Variants in HHIP observed in about 807,000 individuals in gnomAD.
HHIP encodes the protein hedgehog interacting protein.
A neutral mutation model predicts 74.0 loss-of-function variants in HHIP; 12 were observed. The observed-to-expected ratio is 0.16, with a 90% CI of 0.10 to 0.26. The LOEUF (loss-of-function observed/expected upper bound fraction) is 0.26, where lower values mean the gene tolerates loss of function less well. HHIP is among the 10% of genes least tolerant of loss of function. The probability of loss-of-function intolerance (pLI) is 1.00; values close to 1 mark genes in which losing one functional copy is unlikely to be tolerated. For missense variants in HHIP, 788 were observed against 845.0 expected (o/e 0.93, Z 0.84); for synonymous variants, 309 against 311.6 (o/e 0.99, Z 0.09).
chr4:144,702,322 C>A (rs1730009068), intron 4 of HHIP, among the ~76,000 whole-genome samples: 2 of 152,106 alleles, frequency 1.3e-5, no homozygotes, highest in Non-Finnish European at 2.9e-5. Flanking sequence ...TAGGTCTGAT[C>A]TTGTATTTAC....
chr4:144,715,386 GCTA>G lies in HHIP; in HGVS notation c.1637_1639del (p.Tyr546del), dbSNP rs776546590. ...CTCGGCACTAGTGGGTCCTGTAGAG[GCTA>G]CTTTTCCGGTCACATCTTGGGATTT... On this transcript the variant is annotated inframe_deletion, in exon 10 of 13. Transcript: ENST00000296575. 9.3e-6 allele frequency: 15 copies of G among 1,613,456 alleles called. No individual in the cohort carries two copies. The South Asian group carries it at 1.6e-4, about 18-fold the overall frequency.
At position 144,742,849 on chromosome 4, in the gene HHIP, A is replaced by G. The variant is rs569487660; in HGVS notation, c.*4892A>G. 1.4e-5 allele frequency: 2 copies of G among 139,946 alleles called. No homozygotes were observed. The highest frequency in any genetic ancestry group is 7.2e-5 in the Admixed American group (1 of 13,846). 8.7% of individuals were successfully genotyped at this position (139,946 alleles called of 1,614,324 possible). A position where few individuals can be genotyped will look rare whatever the true frequency, so the allele number is the denominator to read the frequency against. On this transcript the variant is annotated 3_prime_UTR_variant, in exon 13 of 13. Coordinates refer to ENST00000296575, the MANE Select transcript of HHIP (RefSeq NM_022475.3). ...TATATTTGGTTATATATATATCTTT[A>G]TATATATATCTTATATATATATCTT...
intron 10 of HHIP, among the ~76,000 whole-genome samples, chr4:144,716,854 G>GCAAAAA (rs1730461481): frequency 1.8e-5 from 1 of 54,654 alleles, no homozygotes; most frequent in Non-Finnish European, 3.4e-5. Flanking sequence ...CGTCTCAAAA[G>GCAAAAA]AAAAAAAAAA....
In HHIP at chr4:144,659,707, C is replaced by T; in HGVS notation, c.700C>T (p.His234Tyr). Residue 234 changes from histidine (H) to tyrosine (Y), a missense_variant, in exon 4 of 13, where the codon CAT becomes TAT. This residue lies in a region of HHIP where 373 missense variants were observed against 366.4 expected (regional missense o/e 1.02). Coordinates refer to ENST00000296575, the MANE Select transcript of HHIP (RefSeq NM_022475.3). ...GCTGCGGCAGCCCGTTGGTGCCCTG[C>T]ATAGTGGGGATGGCTCGCAACGTCT... Reference protein sequence around the residue: ...SGLRQPVGALHSGDGSQRLFI... With the variant: ...SGLRQPVGALYSGDGSQRLFI... The T allele has an allele frequency of 6.2e-7, 1 of 1,607,610 alleles. No individual in the cohort carries two copies. Among genetic ancestry groups the T allele is most frequent in the African/African-American group, 1.3e-5 (1 of 74,642 alleles).
rs113826998 is a variant in HHIP, at chr4:144,646,984, A to G, written c.279+30A>G. 79 of 1,556,334 alleles carry G rather than the reference A, an allele frequency of 5.1e-5. No individual in the cohort carries two copies. The African/African-American group carries it at 8.2e-4, about 16-fold the overall frequency. On this transcript the variant is annotated intron_variant, in intron 1 of 12. Coordinates refer to ENST00000296575, the MANE Select transcript of HHIP (RefSeq NM_022475.3). ...GCACTCACCGGCTTCACGGATGCGT[A>G]CTTGGCATATTGGCTGGGTGGGGTT...
At chr4:144,688,188 T>G (rs929992333) in intron 4 of HHIP, among the ~76,000 whole-genome samples, 1 of 152,020 alleles carries the variant, frequency 6.6e-6, no homozygotes, top group Non-Finnish European at 1.5e-5. Flanking sequence ...TAACACTAAG[T>G]CAAACACAGA....
chr4:144,707,504 T>C (rs1730178903), intron 6 of HHIP, among the ~76,000 whole-genome samples: 1 of 151,318 alleles, frequency 6.6e-6, no homozygotes, highest in Non-Finnish European at 1.5e-5. Flanking sequence ...CTGCCTCTGC[T>C]CCACAAAGCA....
At chr4:144,726,854 A>G (rs1003551656) in intron 11 of HHIP, among the ~76,000 whole-genome samples, 1 of 152,176 alleles carries the variant, frequency 6.6e-6, no homozygotes, top group Non-Finnish European at 1.5e-5. Context: ...GGCTCTCTTC[A>G]GGGTGCACAT....
rs369363882 is a variant in HHIP, at chr4:144,691,642, G to A, written c.832-14889G>A. 1.4e-3 allele frequency among the ~76,000 whole-genome samples: 218 copies of A among 152,012 alleles called. 1 individual carries two copies. Among genetic ancestry groups the A allele is most frequent in the Non-Finnish European group, 2.0e-3 (138 of 67,988 alleles). On this transcript the variant is annotated intron_variant, in intron 4 of 12. Transcript: ENST00000296575. The stretch of plus-strand genomic sequence containing the variant: ...TCCATTTATATACTTAAATGTCTAT[G>A]TATAGGATTTTTTTACATAAGGAAG...
At chr4:144,657,073 A>C (rs1035070486) in intron 2 of HHIP, among the ~76,000 whole-genome samples, 1 of 152,136 alleles carries the variant, frequency 6.6e-6, no homozygotes, top group African/African-American at 2.4e-5. Flanking sequence ...TGCCAAGACA[A>C]GATCCTTTCC....
chr4:144,651,336 A>G (rs947873660), intron 1 of HHIP, among the ~76,000 whole-genome samples: 1 of 152,016 alleles, frequency 6.6e-6, no homozygotes, highest in Non-Finnish European at 1.5e-5. Flanking sequence ...GATAACTTCT[A>G]TTGGACTTGC....
chr4:144,731,824 A>T (rs947112393), intron 11 of HHIP, among the ~76,000 whole-genome samples: 1 of 152,226 alleles, frequency 6.6e-6, no homozygotes, highest in African/African-American at 2.4e-5. Flanking sequence ...TATAAATGTC[A>T]TCTCTCTATA....
At chr4:144,691,822 C>T (rs1020336308) in intron 4 of HHIP, among the ~76,000 whole-genome samples, 4 of 152,070 alleles carry the variant, frequency 2.6e-5, no homozygotes, top group Middle Eastern at 3.4e-3. Flanking sequence ...ACTTGTCACA[C>T]ATTCTATCAA....
chr4:144,687,875 T>C (rs997889999), intron 4 of HHIP, among the ~76,000 whole-genome samples: 2 of 146,456 alleles, frequency 1.4e-5, no homozygotes, highest in Non-Finnish European at 3.0e-5. Context: ...GGAATGGAAA[T>C]CCACCTTTTT....
intron 11 of HHIP, among the ~76,000 whole-genome samples, chr4:144,731,680 A>T (rs1730959833): frequency 6.6e-6 from 1 of 152,144 alleles, no homozygotes; most frequent in Non-Finnish European, 1.5e-5. Flanking sequence ...TCAACCTCCC[A>T]ACATGCTGGG....
chr4:144,652,325 G>T (rs1728446763), intron 1 of HHIP, among the ~76,000 whole-genome samples: 1 of 151,992 alleles, frequency 6.6e-6, no homozygotes, highest in Admixed American at 6.6e-5. Context: ...AAATATAATT[G>T]CCTTTTAATT....
At chr4:144,726,644 T>C (rs1291743144) in intron 11 of HHIP, among the ~76,000 whole-genome samples, 1 of 152,176 alleles carries the variant, frequency 6.6e-6, no homozygotes, top group Non-Finnish European at 1.5e-5. Context: ...TAAGCTCATA[T>C]ACAAAAGAGA....
intron 4 of HHIP, among the ~76,000 whole-genome samples, chr4:144,667,254 C>G (rs1316252893): frequency 6.6e-6 from 1 of 152,060 alleles, no homozygotes; most frequent in African/African-American, 2.4e-5. Context: ...AGAGGCTCAG[C>G]GAGAGGATCC....
intron 11 of HHIP, among the ~76,000 whole-genome samples, chr4:144,721,899 T>A (rs1730648366): frequency 2.0e-5 from 3 of 147,174 alleles, no homozygotes; most frequent in Non-Finnish European, 1.5e-5. Context: ...CAAGACTCTG[T>A]CTCAAAAAAA....
Sources: gnomAD v4.1 joint callset for allele counts (sites outside exome capture counted in the v4.1 genomes callset) on GRCh38, gnomAD v4.1.1 for gene constraint, gnomAD v4.1.1 regional missense constraint, MANE v1.5 for transcripts, NCBI Gene and HGNC (gene_info 2026-07-23, HGNC 2026-07-21) for gene names.